Variants in CLN6 observed in about 807,000 individuals in gnomAD.
CLN6 encodes ceroid-lipofuscinosis neuronal protein 6.
In CLN6, 22 loss-of-function variants were observed where a neutral mutation model predicts 33.3. The ratio of observed to expected loss-of-function variants is 0.66; its 90% confidence interval spans 0.47 to 0.94. The LOEUF is 0.94. CLN6 is among the 40% of genes least tolerant of loss of function. The pLI is 0.00. For missense variants in CLN6, 387 were observed against 417.1 expected (o/e 0.93, Z 0.63); for synonymous variants, 201 against 174.6 (o/e 1.15, Z -1.19).
At chr15:68,230,393 G>A (rs1371668905), upstream of CLN6, among the ~76,000 whole-genome samples, 1 of 152,122 alleles carries the variant, frequency 6.6e-6, no homozygotes, top group South Asian at 2.1e-4. The surrounding 1 kb of genome is among the most constrained non-coding windows in gnomAD (Gnocchi z 4.0). Context: ...CTGTTGGACC[G>A]GTGGTCTGAA....
At chr15:68,213,970 A>C (rs1595819390) in intron 3 of CLN6, 1 of 332,460 alleles carries the variant, frequency 3.0e-6, no homozygotes, top group South Asian at 2.6e-5. Context: ...CAGCCTCCCC[A>C]AATGTTTTAC....
chr15:68,217,020 G>A (rs1038276027), intron 2 of CLN6, among the ~76,000 whole-genome samples: 1 of 152,218 alleles, frequency 6.6e-6, no homozygotes, highest in African/African-American at 2.4e-5. Flanking sequence ...ATCAGCAATA[G>A]TGTTGATATG....
chr15:68,228,219 A>G lies in CLN6; in HGVS notation c.83+1283T>C, dbSNP rs1014535603. ...GCTCAGCCCGCATGTCCGCAGCAGC[A>G]GAAACGAGCCATCCCTCACCTCAGC... On this transcript the variant is annotated intron_variant, in intron 1 of 6. Transcript: ENST00000249806. The surrounding 1 kb of genome is among the most constrained non-coding windows in gnomAD (Gnocchi z 4.4). Among the ~76,000 whole-genome samples, 8 of 152,192 alleles carry G rather than the reference A, an allele frequency of 5.3e-5. No individual in the cohort carries two copies. The highest frequency in any genetic ancestry group is 1.9e-4 in the African/African-American group (8 of 41,444).
At chr15:68,229,773 G>GCGGAGGGAGGCGGGGCGGAA, upstream of CLN6, 1 of 373,990 alleles carries the variant, frequency 2.7e-6, no homozygotes. Flanking sequence ...GCGGAGCGGA[G>GCGGAGGGAGGCGGGGCGGAA]CGGAGGGAGG....
At chr15:68,250,646 AT>A (rs1443571281) in intron 1 of CLN6, among the ~76,000 whole-genome samples, 4 of 150,760 alleles carry the variant, frequency 2.7e-5, no homozygotes, top group Non-Finnish European at 4.4e-5. Context: ...AAAAAAAAAA[AT>A]CAAGCCTAGA....
chr15:68,213,282 G>A (rs8031960), intron 3 of CLN6: 10,285 of 148,126 alleles, frequency 0.069, 955 homozygotes, highest in African/African-American at 0.22. Flanking sequence ...TGTCTTGCCC[G>A]GGCCGGAGTG....
intron 3 of CLN6, 89 bp downstream of exon 3, chr15:68,214,201 G>A: frequency 9.9e-7 from 1 of 1,014,488 alleles, no homozygotes; most frequent in Non-Finnish European, 1.6e-6. Flanking sequence ...GAGCGTGCTT[G>A]AGTCAGGACA....
At chr15:68,223,099 G>A (rs1474508393) in intron 1 of CLN6, among the ~76,000 whole-genome samples, 1 of 151,036 alleles carries the variant, frequency 6.6e-6, no homozygotes, top group Non-Finnish European at 1.5e-5. Flanking sequence ...CCCCCTCTCT[G>A]AGAAACACCC....
chr15:68,232,777 C>T (rs1037681414), upstream of CLN6, among the ~76,000 whole-genome samples: 2 of 152,214 alleles, frequency 1.3e-5, no homozygotes, highest in African/African-American at 4.8e-5. This position sits in a 1 kb window ranked among gnomAD's most constrained non-coding sequence, Gnocchi z 4.7. Flanking sequence ...CGCAGTGGCT[C>T]ACACCTGTAA....
At chr15:68,216,961 CAGTT>C (rs367630405) in intron 2 of CLN6, among the ~76,000 whole-genome samples, 1 of 152,318 alleles carries the variant, frequency 6.6e-6, no homozygotes, top group African/African-American at 2.4e-5. Flanking sequence ...GACCTCGAGC[CAGTT>C]ACTTATTCTC....
At position 68,228,043 on chromosome 15, in the gene CLN6, T is replaced by A. The variant is rs2093257327; in HGVS notation, c.83+1459A>T. 6.6e-6 allele frequency among the ~76,000 whole-genome samples: 1 copy of A among 152,184 alleles called. No homozygotes were observed. Among genetic ancestry groups the A allele is most frequent in the African/African-American group, 2.4e-5 (1 of 41,446 alleles). ...GGCGTGGGGCAGACAGCCCGGGGAC[T>A]CAGCCAGTCAGGCTCCTCAGCCCAT... On this transcript the variant is annotated intron_variant, in intron 1 of 6. Transcript: ENST00000249806. The surrounding 1 kb of genome is among the most constrained non-coding windows in gnomAD (Gnocchi z 4.4).
Position 68,242,599 on chromosome 15 carries a change from G to A in CLN6, c.179+14091C>T, listed in dbSNP as rs1318197460. ...AATAAGTGCTTAAATAAAATATTTT[G>A]TCAGAAAAATAGAAACTAATGCCTT... On this transcript the variant is annotated intron_variant, in intron 1 of 6. Transcript: ENST00000538696. The surrounding 1 kb of genome is among the most constrained non-coding windows in gnomAD (Gnocchi z 5.0). Among the ~76,000 whole-genome samples the A allele has an allele frequency of 6.6e-6, 1 of 152,092 alleles. No individual in the cohort carries two copies. The highest frequency in any genetic ancestry group is 1.5e-5 in the Non-Finnish European group (1 of 68,004).
At chr15:68,243,148 A>C (rs1394618289) in intron 1 of CLN6, among the ~76,000 whole-genome samples, 1 of 152,252 alleles carries the variant, frequency 6.6e-6, no homozygotes, top group Non-Finnish European at 1.5e-5. Flanking sequence ...GTCCTAACCT[A>C]AAAGAGTAAT....
chr15:68,254,950 T>C (rs1892419158), intron 1 of CLN6: 4 of 920,968 alleles, frequency 4.3e-6, no homozygotes, highest in Non-Finnish European at 7.0e-6. Flanking sequence ...GACTGTACAG[T>C]TTGAAATGCT....
In CLN6 at chr15:68,211,033, G is replaced by A. The variant is rs369735760; in HGVS notation, c.542+230C>T. 1.4e-3 allele frequency among the ~76,000 whole-genome samples: 208 copies of A among 152,336 alleles called. 1 individual carries two copies. The highest frequency in any genetic ancestry group is 4.8e-3 in the African/African-American group (200 of 41,580). On this transcript the variant is annotated intron_variant, in intron 5 of 6. Coordinates refer to ENST00000249806, the MANE Select transcript of CLN6 (RefSeq NM_017882.3). This position sits in a 1 kb window ranked among gnomAD's most constrained non-coding sequence, Gnocchi z 5.9. The stretch of plus-strand genomic sequence containing the variant: ...CTGGGCGGGGGTGGCGATGCTGGGG[G>A]GATGCTGGCTGGAAGCCGGGGCCTG...
At chr15:68,234,034 T>G (rs1460754299), upstream of CLN6, among the ~76,000 whole-genome samples, 1 of 152,114 alleles carries the variant, frequency 6.6e-6, no homozygotes, top group East Asian at 1.9e-4. This position sits in a 1 kb window ranked among gnomAD's most constrained non-coding sequence, Gnocchi z 4.1. Context: ...GACAGGTTGA[T>G]GACAAAAGGG....
At chr15:68,214,178 C>T in intron 3 of CLN6, 112 bp downstream of exon 3, 1 of 836,960 alleles carries the variant, frequency 1.2e-6, no homozygotes, top group Non-Finnish European at 2.0e-6. Flanking sequence ...CTTCACCCCC[C>T]AGCAGCAGGC....
At chr15:68,253,142 A>C (rs1892396473) in intron 1 of CLN6, among the ~76,000 whole-genome samples, 1 of 152,206 alleles carries the variant, frequency 6.6e-6, no homozygotes, top group Admixed American at 6.5e-5. Flanking sequence ...TAAATCCTGA[A>C]TGGGAAAGGC....
rs890362980 is a variant in CLN6, at chr15:68,242,622, C to T, written c.179+14068G>A. Reference sequence around the variant, plus strand: ...TTGTCAGAAAAATAGAAACTAATGCCTTTTTGTTCACGTGACTTTAGTAAC... The same window carrying T: ...TTGTCAGAAAAATAGAAACTAATGCTTTTTTGTTCACGTGACTTTAGTAAC... On this transcript the variant is annotated intron_variant, in intron 1 of 6. Coordinates refer to the CLN6 transcript ENST00000538696. The surrounding 1 kb of genome is among the most constrained non-coding windows in gnomAD (Gnocchi z 5.0). Among the ~76,000 whole-genome samples the T allele has an allele frequency of 4.6e-5, 7 of 152,060 alleles. No homozygotes were observed. The highest frequency in any genetic ancestry group is 1.7e-4 in the African/African-American group (7 of 41,404).
Sources: allele counts gnomAD v4.1 joint callset (sites outside exome capture counted in the v4.1 genomes callset), GRCh38; gene constraint gnomAD v4.1.1; non-coding constraint Gnocchi (gnomAD v3.1); transcripts MANE v1.5; gene names NCBI Gene and HGNC (gene_info 2026-07-23, HGNC 2026-07-21).